Variants in SYT1 observed in about 807,000 individuals in gnomAD.
SYT1 encodes the protein synaptotagmin 1.
Under a neutral mutation model 44.8 loss-of-function variants are expected in SYT1, and 8 were observed. That is an observed-to-expected ratio of 0.18 (90% CI 0.10 to 0.32). SYT1 has a LOEUF of 0.32. Ranked by LOEUF, SYT1 falls within the 10% of genes least tolerant of loss-of-function variation. The pLI is 1.00. For synonymous variants in SYT1, 154 were observed against 188.8 expected (o/e 0.82, Z 1.51); for missense variants, 286 against 509.3 (o/e 0.56, Z 4.22).
At chr12:78,968,043 A>T (rs1676531250) in intron 1 of SYT1, among the ~76,000 whole-genome samples, 1 of 152,140 alleles carries the variant, frequency 6.6e-6, no homozygotes, top group Non-Finnish European at 1.5e-5. Context: ...GGGAACCTAG[A>T]TTACTAAAGA....
At chr12:78,912,439 G>A (rs1000805997) in intron 1 of SYT1, among the ~76,000 whole-genome samples, 4 of 151,884 alleles carry the variant, frequency 2.6e-5, no homozygotes, top group Non-Finnish European at 5.9e-5. Flanking sequence ...AGGCTGAGAC[G>A]TGGTGGAGAA....
intron 4 of SYT1, among the ~76,000 whole-genome samples, chr12:79,231,138 A>G (rs189628626): frequency 6.6e-6 from 1 of 152,294 alleles, no homozygotes; most frequent in Admixed American, 6.5e-5. Flanking sequence ...GCTAGTTTCT[A>G]TTAAATTGAG....
intron 3 of SYT1, among the ~76,000 whole-genome samples, chr12:79,132,674 C>CAAAAAAAAAAAAAAAAAAAAAAAA (rs71091641): frequency 2.3e-5 from 1 of 43,716 alleles, no homozygotes; most frequent in African/African-American, 8.1e-5. Context: ...GGAGTTTTCT[C>CAAAAAAAAAAAAAAAAAAAAAAAA]AAAAAAAAAA....
chr12:78,999,200 G>T (rs560454442), intron 2 of SYT1, among the ~76,000 whole-genome samples: 1 of 152,238 alleles, frequency 6.6e-6, no homozygotes, highest in South Asian at 2.1e-4. Flanking sequence ...CATCATTCAA[G>T]GAGCAGTAGC....
chr12:78,976,398 G>A (rs1215887332), intron 1 of SYT1, among the ~76,000 whole-genome samples: 5 of 152,202 alleles, frequency 3.3e-5, no homozygotes, highest in Admixed American at 2.0e-4. Context: ...ACTCTCTTGT[G>A]AAGAATCTGT....
intron 3 of SYT1, among the ~76,000 whole-genome samples, chr12:79,102,144 G>A (rs1223387904): frequency 6.6e-6 from 1 of 151,884 alleles, no homozygotes; most frequent in African/African-American, 2.4e-5. Context: ...CCTCCTGTGG[G>A]TATCATTCAC....
chr12:79,069,140 T>G (rs977514979), intron 3 of SYT1, among the ~76,000 whole-genome samples: 5 of 152,134 alleles, frequency 3.3e-5, no homozygotes, highest in African/African-American at 1.2e-4. Flanking sequence ...AATTAATGTG[T>G]TTTTCAGAAG....
At chr12:79,095,231 A>T (rs1288897327) in intron 3 of SYT1, among the ~76,000 whole-genome samples, 2 of 151,932 alleles carry the variant, frequency 1.3e-5, no homozygotes, top group Non-Finnish European at 2.9e-5. Flanking sequence ...TTATAAACTA[A>T]TTCTTACAAG....
At chr12:79,357,008 C>T (rs978140977) in intron 9 of SYT1, among the ~76,000 whole-genome samples, 2 of 152,072 alleles carry the variant, frequency 1.3e-5, no homozygotes, top group South Asian at 2.1e-4. Flanking sequence ...TTCAGGCAAA[C>T]GTATCAGTAG....
chr12:79,430,421 A>G (rs752074599), intron 9 of SYT1, among the ~76,000 whole-genome samples: 39 of 152,262 alleles, frequency 2.6e-4, no homozygotes, highest in Admixed American at 3.3e-4. Context: ...CAACTGAACT[A>G]TAAGTTCTTT....
At chr12:79,108,369 T>C (rs1878828947) in intron 3 of SYT1, among the ~76,000 whole-genome samples, 2 of 152,040 alleles carry the variant, frequency 1.3e-5, no homozygotes, top group Non-Finnish European at 2.9e-5. Context: ...GTATCACTTA[T>C]AATAAAAGTA....
At chr12:79,442,996 A>AT (rs754538361) in intron 9 of SYT1, among the ~76,000 whole-genome samples, 1 of 152,102 alleles carries the variant, frequency 6.6e-6, no homozygotes, top group South Asian at 2.1e-4. Context: ...AACAGTAGAG[A>AT]TTTTCCTTTC....
chr12:79,132,473 C>A (rs1438089909), intron 3 of SYT1, among the ~76,000 whole-genome samples: 2 of 150,382 alleles, frequency 1.3e-5, no homozygotes, highest in African/African-American at 4.9e-5. Context: ...TGCAAATGGC[C>A]AAGTATATGA....
chr12:79,312,678 T>C (rs2138943267), intron 8 of SYT1, among the ~76,000 whole-genome samples: 1 of 152,246 alleles, frequency 6.6e-6, no homozygotes, highest in Admixed American at 6.5e-5. Flanking sequence ...TTTTAAGATT[T>C]TTTAAGTTAT....
intron 3 of SYT1, among the ~76,000 whole-genome samples, chr12:79,125,701 A>G (rs539121727): frequency 3.3e-5 from 5 of 152,072 alleles, no homozygotes; most frequent in African/African-American, 1.2e-4. Context: ...TATAAAAACT[A>G]TATTTTTCCT....
intron 4 of SYT1, among the ~76,000 whole-genome samples, chr12:79,251,159 T>G (rs1051416569): frequency 6.6e-6 from 1 of 152,212 alleles, no homozygotes; most frequent in African/African-American, 2.4e-5. Flanking sequence ...TATAGACTAA[T>G]CATTTTGCCC....
At chr12:78,971,352 C>G (rs1868377540) in intron 1 of SYT1, among the ~76,000 whole-genome samples, 1 of 152,098 alleles carries the variant, frequency 6.6e-6, no homozygotes, top group South Asian at 2.1e-4. Flanking sequence ...TCTGTCCTCA[C>G]TAACAAAGGA....
chr12:78,970,928 C>G (rs1868358579), intron 1 of SYT1, among the ~76,000 whole-genome samples: 3 of 152,134 alleles, frequency 2.0e-5, no homozygotes, highest in Admixed American at 2.0e-4. Context: ...GTAGGTGGAT[C>G]ACCTGAGGTC....
intron 3 of SYT1, among the ~76,000 whole-genome samples, chr12:79,066,441 G>A (rs562175842): frequency 2.7e-5 from 4 of 150,492 alleles, no homozygotes; most frequent in Admixed American, 6.6e-5. Flanking sequence ...CAATTTTTAT[G>A]CCTCTGATTA....
Sources: gnomAD v4.1 joint callset for allele counts (sites outside exome capture counted in the v4.1 genomes callset) on GRCh38, gnomAD v4.1.1 for gene constraint, MANE v1.5 for transcripts, NCBI Gene and HGNC (gene_info 2026-07-23, HGNC 2026-07-21) for gene names.